The following PRKCQ variants were observed in gnomAD, a reference collection of about 807,000 sequenced individuals.
PRKCQ encodes the protein protein kinase C theta, also known as protein kinase C theta type.
In PRKCQ, 41 loss-of-function variants were observed where a neutral mutation model predicts 91.2. The observed-to-expected ratio is 0.45, with a 90% confidence interval of 0.35 to 0.58. The LOEUF (loss-of-function observed/expected upper bound fraction) is 0.58, where lower values mean the gene tolerates loss of function less well. Among genes scored for constraint, PRKCQ ranks in the 20% least tolerant of loss-of-function variants. The pLI is 0.00. For synonymous variants in PRKCQ, 307 were observed against 316.9 expected (o/e 0.97, Z 0.33); for missense variants, 673 against 896.5 (o/e 0.75, Z 3.18).
intron 1 of PRKCQ, among the ~76,000 whole-genome samples, chr10:6,566,398 C>G (rs551078580): frequency 1.3e-5 from 2 of 152,238 alleles, no homozygotes; most frequent in Non-Finnish European, 2.9e-5. Flanking sequence ...CAGGTGAAAT[C>G]CTGGTCTGGA....
the PRKCQ span, among the ~76,000 whole-genome samples, chr10:6,413,474 TCACACACACACACA>T: frequency 2.1e-3 from 255 of 120,186 alleles, 5 homozygotes; most frequent in African/African-American, 6.5e-3. Context: ...AAAAATTATG[TCACACACACACACA>T]CACACACACA....
intron 1 of PRKCQ, among the ~76,000 whole-genome samples, chr10:6,520,702 G>C (rs1380138858): frequency 6.6e-6 from 1 of 152,046 alleles, no homozygotes; most frequent in Non-Finnish European, 1.5e-5. Context: ...CTCAGCCCTG[G>C]CTCCTGCAGT....
chr10:6,491,919 G>C (rs1564347907), intron 7 of PRKCQ, 107 bp from the exon 8 acceptor site: 1 of 1,436,656 alleles, frequency 7.0e-7, no homozygotes. Context: ...GAAAACACTG[G>C]CATTGTGTGC....
intron 16 of PRKCQ, among the ~76,000 whole-genome samples, chr10:6,435,194 G>A (rs1394646471): frequency 6.6e-6 from 1 of 152,228 alleles, no homozygotes; most frequent in Non-Finnish European, 1.5e-5. Flanking sequence ...CTCCCAGTGG[G>A]CAATTGTTCA....
At chr10:6,474,294 T>G (rs1219637536) in intron 12 of PRKCQ, among the ~76,000 whole-genome samples, 2 of 152,210 alleles carry the variant, frequency 1.3e-5, no homozygotes, top group East Asian at 3.8e-4. Context: ...CACGGCGGCC[T>G]GCCCTCAAAT....
chr10:6,440,845 G>C (rs584804), intron 16 of PRKCQ, among the ~76,000 whole-genome samples: 87,497 of 151,970 alleles, frequency 0.58, 25,927 homozygotes, highest in East Asian at 0.87. Context: ...AAAAATTTAG[G>C]TGAGTGTGGT....
chr10:6,572,274 G>T (rs1335236693), intron 1 of PRKCQ, among the ~76,000 whole-genome samples: 1 of 119,078 alleles, frequency 8.4e-6, no homozygotes, highest in Middle Eastern at 4.3e-3. Context: ...GGACGTGCAG[G>T]TTTGTTACAT....
intron 1 of PRKCQ, among the ~76,000 whole-genome samples, chr10:6,578,917 C>T (rs918179203): frequency 9.9e-5 from 15 of 152,058 alleles, no homozygotes; most frequent in Admixed American, 9.2e-4. Context: ...GTGGGGGACC[C>T]AGGACCTTAG....
At chr10:6,567,959 G>A (rs979487716) in intron 1 of PRKCQ, among the ~76,000 whole-genome samples, 3 of 152,094 alleles carry the variant, frequency 2.0e-5, no homozygotes, top group African/African-American at 7.2e-5. Context: ...TAGGCTGGGC[G>A]TGGTGGCTCT....
At chr10:6,421,771 C>A in the PRKCQ span, among the ~76,000 whole-genome samples, 1 of 152,240 alleles carries the variant, frequency 6.6e-6, no homozygotes, top group Non-Finnish European at 1.5e-5. The surrounding 1 kb of genome is among the most constrained non-coding windows in gnomAD (Gnocchi z 4.1). Flanking sequence ...GCACAGCTGG[C>A]TCTTCCTTGA....
the PRKCQ span, among the ~76,000 whole-genome samples, chr10:6,409,801 T>G: frequency 6.6e-6 from 1 of 152,232 alleles, no homozygotes; most frequent in Non-Finnish European, 1.5e-5. Context: ...GCTATCATTT[T>G]CATGGAATGG....
At chr10:6,419,288 T>C in the PRKCQ span, among the ~76,000 whole-genome samples, 1 of 152,244 alleles carries the variant, frequency 6.6e-6, no homozygotes, top group Non-Finnish European at 1.5e-5. Flanking sequence ...CATTAAGTGT[T>C]TGTGTATTCA....
chr10:6,571,187 T>C (rs1199724468), intron 1 of PRKCQ, among the ~76,000 whole-genome samples: 1 of 151,928 alleles, frequency 6.6e-6, no homozygotes, highest in Non-Finnish European at 1.5e-5. Flanking sequence ...GGAGAACTCA[T>C]CAGCCTATGT....
chr10:6,504,409 G>A (rs1588346308), intron 4 of PRKCQ, among the ~76,000 whole-genome samples: 1 of 152,176 alleles, frequency 6.6e-6, no homozygotes, highest in Non-Finnish European at 1.5e-5. Context: ...GGAGCCTGCT[G>A]GTCTACCTAG....
chr10:6,435,043 T>C (rs1833632165), intron 16 of PRKCQ, among the ~76,000 whole-genome samples: 1 of 152,046 alleles, frequency 6.6e-6, no homozygotes, highest in Non-Finnish European at 1.5e-5. Context: ...GCCTCCCGAG[T>C]AGCTGGGACT....
rs542949024 is a variant in PRKCQ at position 6,507,212 on chromosome 10, C to T, written c.379+224G>A. On this transcript the variant is annotated intron_variant, in intron 4 of 17. Coordinates refer to ENST00000263125, the MANE Select transcript of PRKCQ (RefSeq NM_006257.5). ...GAGCTTTGGGCATATGGATTCACAT[C>T]ACTTAAAACAAGTGCTATAAATGTT... 1.6e-3 allele frequency among the ~76,000 whole-genome samples: 251 copies of T among 152,338 alleles called. 1 individual carries two copies. The highest frequency in any genetic ancestry group is 2.1e-3 in the Non-Finnish European group (146 of 68,034).
chr10:6,417,981 C>T, the PRKCQ span, among the ~76,000 whole-genome samples: 1 of 152,234 alleles, frequency 6.6e-6, no homozygotes, highest in African/African-American at 2.4e-5. Flanking sequence ...TCTCCTTCCC[C>T]CATCTCCCAG....
At chr10:6,446,636 G>C (rs1440496782) in intron 15 of PRKCQ, among the ~76,000 whole-genome samples, 2 of 152,176 alleles carry the variant, frequency 1.3e-5, no homozygotes, top group African/African-American at 4.8e-5. Context: ...AAAGTCCTGG[G>C]ATTATAGGCA....
At position 6,465,641 on chromosome 10, in the gene PRKCQ, C is replaced by T. The variant is rs2026432; in HGVS notation, c.1354-1237G>A. 0.39 allele frequency among the ~76,000 whole-genome samples: 59,757 copies of T among 152,104 alleles called. 11,936 individuals are homozygous for T. The highest frequency in any genetic ancestry group is 0.47 in the Admixed American group (7,210 of 15,282). Reference sequence around the variant, plus strand: ...GGTTTCTTAACAGAATTAACCTTTACGTTTTGATGTGAACCCAACCGAGGC... The same window carrying T: ...GGTTTCTTAACAGAATTAACCTTTATGTTTTGATGTGAACCCAACCGAGGC... On this transcript the variant is annotated intron_variant, in intron 12 of 17. Coordinates refer to ENST00000263125, the MANE Select transcript of PRKCQ (RefSeq NM_006257.5). The surrounding 1 kb of genome is among the most constrained non-coding windows in gnomAD (Gnocchi z 4.4).
Sources: allele counts gnomAD v4.1 joint callset (sites outside exome capture counted in the v4.1 genomes callset), GRCh38; gene constraint gnomAD v4.1.1; non-coding constraint Gnocchi (gnomAD v3.1); transcripts MANE v1.5; gene names NCBI Gene and HGNC (gene_info 2026-07-23, HGNC 2026-07-21).